Variants in TMC1 observed in about 807,000 individuals in gnomAD.
The protein encoded by TMC1 is transmembrane channel-like protein 1.
Under a neutral mutation model 105.8 loss-of-function variants are expected in TMC1, and 84 were observed. The observed-to-expected ratio is 0.79, with a 90% confidence interval of 0.67 to 0.95. The LOEUF is 0.95. TMC1 is among the 40% of genes least tolerant of loss of function. The pLI, the probability that TMC1 is intolerant of heterozygous loss-of-function variation, is 0.00. For synonymous variants in TMC1, 315 were observed against 311.5 expected (o/e 1.01, Z -0.12); for missense variants, 817 against 914.1 (o/e 0.89, Z 1.37).
In TMC1 at chr9:72,580,597, C is replaced by G. The variant is rs185602909; in HGVS notation, c.-306+2574C>G. 4.5e-3 allele frequency among the ~76,000 whole-genome samples: 686 copies of G among 152,280 alleles called. 7 individuals are homozygous for G. Among genetic ancestry groups the G allele is most frequent in the African/African-American group, 0.016 (658 of 41,556 alleles). On this transcript the variant is annotated intron_variant, in intron 2 of 23. Transcript: ENST00000297784. ...GTGTGTGTGTGCATGCCAGTGCATA[C>G]ACCACACATACAAGCACATACACAG...
At chr9:72,619,645 TTAAC>T (rs1262126984) in intron 3 of TMC1, among the ~76,000 whole-genome samples, 1 of 151,818 alleles carries the variant, frequency 6.6e-6, no homozygotes, top group Non-Finnish European at 1.5e-5. Flanking sequence ...AATATGTTAT[TTAAC>T]TAGTATTTAC....
intron 1 of TMC1, among the ~76,000 whole-genome samples, chr9:72,546,224 C>A (rs571503421): frequency 6.6e-6 from 1 of 151,864 alleles, no homozygotes; most frequent in Non-Finnish European, 1.5e-5. Flanking sequence ...ATGCAGAAGG[C>A]GGAGGTTGCA....
At chr9:72,805,959 C>T (rs544794053) in intron 18 of TMC1, among the ~76,000 whole-genome samples, 16 of 152,106 alleles carry the variant, frequency 1.1e-4, no homozygotes, top group South Asian at 2.1e-4. Flanking sequence ...TACACAGACA[C>T]GGCAACCATC....
intron 11 of TMC1, among the ~76,000 whole-genome samples, chr9:72,754,226 C>T (rs1827635844): frequency 6.6e-6 from 1 of 152,102 alleles, no homozygotes; most frequent in Non-Finnish European, 1.5e-5. Flanking sequence ...TTTTCTCTTC[C>T]AATCTGGTAG....
intron 8 of TMC1, among the ~76,000 whole-genome samples, chr9:72,713,103 C>G (rs929689686): frequency 1.3e-5 from 2 of 152,168 alleles, no homozygotes; most frequent in Admixed American, 1.3e-4. Flanking sequence ...TTGAACCAGC[C>G]TTGCATCCCC....
intron 3 of TMC1, among the ~76,000 whole-genome samples, chr9:72,625,690 A>T (rs1019816209): frequency 6.6e-6 from 1 of 150,860 alleles, no homozygotes; most frequent in Non-Finnish European, 1.5e-5. Flanking sequence ...TCTGTCTCAA[A>T]AAAAAAAAAA....
At chr9:72,561,205 C>T (rs1010059390) in intron 1 of TMC1, among the ~76,000 whole-genome samples, 5 of 151,100 alleles carry the variant, frequency 3.3e-5, no homozygotes, top group African/African-American at 1.2e-4. Flanking sequence ...CCTGTAGTCC[C>T]AGCTACTCTG....
At chr9:72,798,109 T>C (rs184747316) in intron 17 of TMC1, among the ~76,000 whole-genome samples, 2 of 152,130 alleles carry the variant, frequency 1.3e-5, no homozygotes, top group Non-Finnish European at 2.9e-5. Context: ...AACAAGCATG[T>C]GAAATAAAAC....
chr9:72,555,137 C>T (rs1021160320), intron 1 of TMC1, among the ~76,000 whole-genome samples: 1 of 151,902 alleles, frequency 6.6e-6, no homozygotes, highest in Non-Finnish European at 1.5e-5. Flanking sequence ...CCTCGGCCTC[C>T]CAAAGTGCTG....
chr9:72,797,293 C>T (rs1468161299), intron 17 of TMC1, among the ~76,000 whole-genome samples: 1 of 152,012 alleles, frequency 6.6e-6, no homozygotes, highest in Non-Finnish European at 1.5e-5. Context: ...CCATACTGCC[C>T]AAAGTAATTT....
intron 18 of TMC1, among the ~76,000 whole-genome samples, chr9:72,815,200 T>C (rs1003593778): frequency 1.3e-5 from 2 of 152,144 alleles, no homozygotes; most frequent in Non-Finnish European, 2.9e-5. Context: ...TGTTAGAATC[T>C]CCTGTTAGGA....
intron 10 of TMC1, 76 bp downstream of exon 10, chr9:72,742,601 C>T (rs1827409255): frequency 1.6e-6 from 2 of 1,223,908 alleles, no homozygotes. Context: ...ATGCCTTTGT[C>T]AGTTTCTGGA....
intron 13 of TMC1, 129 bp from the exon 14 acceptor site, chr9:72,788,210 A>G: frequency 9.8e-7 from 1 of 1,021,772 alleles, no homozygotes; most frequent in Non-Finnish European, 1.5e-6. Context: ...GGTCATTAGA[A>G]CAAACTTGTT....
intron 13 of TMC1, among the ~76,000 whole-genome samples, chr9:72,782,388 G>T (rs904790120): frequency 6.6e-6 from 1 of 152,124 alleles, no homozygotes; most frequent in Non-Finnish European, 1.5e-5. Context: ...CATTATCCTT[G>T]AGAACTGGAA....
At chr9:72,570,665 T>C (rs80007847) in intron 1 of TMC1, among the ~76,000 whole-genome samples, 3 of 146,992 alleles carry the variant, frequency 2.0e-5, no homozygotes, top group African/African-American at 5.0e-5. Context: ...ATCTACACTT[T>C]GCCAAATTTC....
At chr9:72,597,983 A>G (rs1261772816) in intron 2 of TMC1, among the ~76,000 whole-genome samples, 1 of 152,212 alleles carries the variant, frequency 6.6e-6, no homozygotes, top group African/African-American at 2.4e-5. Flanking sequence ...GAAAAAAAGA[A>G]AAAACCCTCA....
intron 2 of TMC1, among the ~76,000 whole-genome samples, chr9:72,585,196 G>C (rs1824536398): frequency 6.8e-6 from 1 of 148,084 alleles, no homozygotes; most frequent in Non-Finnish European, 1.5e-5. Context: ...TGTCGCCCAG[G>C]CTGGAGTGCA....
At chr9:72,705,724 G>GGATACAGAAA (rs1172318437) in intron 8 of TMC1, among the ~76,000 whole-genome samples, 3 of 152,182 alleles carry the variant, frequency 2.0e-5, no homozygotes, top group African/African-American at 7.2e-5. Context: ...CTACAAATTA[G>GGATACAGAAA]GATACAGAAA....
At chr9:72,579,020 ATTCTCCCAGT>A (rs1824433530) in intron 2 of TMC1, among the ~76,000 whole-genome samples, 1 of 152,308 alleles carries the variant, frequency 6.6e-6, no homozygotes. Flanking sequence ...GGCTTCTGGA[ATTCTCCCAGT>A]TTCTTTTTAC....
Sources: allele counts gnomAD v4.1 joint callset (sites outside exome capture counted in the v4.1 genomes callset), GRCh38; gene constraint gnomAD v4.1.1; transcripts MANE v1.5; gene names NCBI Gene and HGNC (gene_info 2026-07-23, HGNC 2026-07-21).